The following ZNF804B variants were observed in gnomAD, a reference collection of about 807,000 sequenced individuals.
ZNF804B encodes the protein zinc finger protein 804B, also known as zinc finger 804B.
In ZNF804B, 80 loss-of-function variants were observed where a neutral mutation model predicts 101.4. The observed-to-expected ratio is 0.79, with a 90% confidence interval of 0.66 to 0.95. The LOEUF (loss-of-function observed/expected upper bound fraction) is 0.95. ZNF804B is among the 40% of genes least tolerant of loss of function. The pLI is 0.00. For missense variants in ZNF804B, 1,673 were observed against 1,561.9 expected, an observed-to-expected ratio of 1.07 and a Z score of -1.20; for synonymous variants, 622 against 558.8, an observed-to-expected ratio of 1.11 and a Z score of -1.59.
At chr7:88,869,552 A>T (rs1198982388) in intron 1 of ZNF804B, among the ~76,000 whole-genome samples, 1 of 152,196 alleles carries the variant, frequency 6.6e-6, no homozygotes, top group Non-Finnish European at 1.5e-5. Flanking sequence ...AGCAATATTT[A>T]TTATTTTATT....
chr7:89,092,200 C>G (rs576102686), intron 1 of ZNF804B, among the ~76,000 whole-genome samples: 2 of 151,588 alleles, frequency 1.3e-5, no homozygotes, highest in African/African-American at 4.8e-5. Flanking sequence ...AAGGATTTCT[C>G]GGGGGTCTCT....
intron 1 of ZNF804B, among the ~76,000 whole-genome samples, chr7:88,993,157 T>C (rs772975878): frequency 5.9e-5 from 9 of 152,034 alleles, no homozygotes; most frequent in Non-Finnish European, 1.0e-4. Context: ...ATAATTCTAA[T>C]GCATTTAAAA....
intron 1 of ZNF804B, among the ~76,000 whole-genome samples, chr7:88,970,392 G>A (rs546919371): frequency 3.5e-5 from 5 of 141,722 alleles, no homozygotes; most frequent in East Asian, 2.1e-4. Context: ...TTATAATTTT[G>A]TCTATGCCTC....
intron 1 of ZNF804B, among the ~76,000 whole-genome samples, chr7:89,029,889 A>C (rs554726993): frequency 6.6e-6 from 1 of 152,282 alleles, no homozygotes; most frequent in South Asian, 2.1e-4. Flanking sequence ...TTGTCTACTT[A>C]ATGAGAGCAG....
At chr7:89,313,087 A>G (rs1790668063) in intron 2 of ZNF804B, among the ~76,000 whole-genome samples, 1 of 152,178 alleles carries the variant, frequency 6.6e-6, no homozygotes, top group African/African-American at 2.4e-5. Context: ...AATCCACAAA[A>G]TGACACTGTT....
intron 1 of ZNF804B, among the ~76,000 whole-genome samples, chr7:89,033,578 A>T (rs1788874391): frequency 6.6e-6 from 1 of 152,160 alleles, no homozygotes; most frequent in Admixed American, 6.6e-5. Flanking sequence ...ATTCCCGCCA[A>T]CAGTGTACAA....
In ZNF804B at chr7:89,174,647, T is replaced by C. The variant is rs1268457064; in HGVS notation, c.109-43508T>C. ...ATTGCTGGATCTTATGGTAGTTCTA[T>C]TTTTGCTTTTTTGAGGAACCTCCAT... On this transcript the variant is annotated intron_variant, in intron 1 of 3. Coordinates refer to ENST00000333190, the MANE Select transcript of ZNF804B (RefSeq NM_181646.5). 2.6e-5 allele frequency among the ~76,000 whole-genome samples: 4 copies of C among 152,132 alleles called. No homozygotes were observed. In the East Asian group the frequency reaches 7.7e-4, roughly 29 times the overall value.
chr7:89,259,301 ATTG>A (rs1789678154), intron 2 of ZNF804B, among the ~76,000 whole-genome samples: 1 of 151,854 alleles, frequency 6.6e-6, no homozygotes, highest in South Asian at 2.1e-4. Flanking sequence ...CAACTGTTTT[ATTG>A]TTGTGGTTGA....
chr7:88,921,074 T>G (rs931001162), intron 1 of ZNF804B, among the ~76,000 whole-genome samples: 3 of 152,156 alleles, frequency 2.0e-5, no homozygotes, highest in African/African-American at 7.2e-5. Context: ...TAATTTAGAT[T>G]ATTTCCAAGA....
At chr7:88,793,487 T>C (rs1790417174) in intron 1 of ZNF804B, among the ~76,000 whole-genome samples, 1 of 152,054 alleles carries the variant, frequency 6.6e-6, no homozygotes, top group Middle Eastern at 3.2e-3. Context: ...ATAATGTATT[T>C]TCATTTCATT....
Position 89,285,134 on chromosome 7 carries a change from G to A in ZNF804B, c.250-42210G>A, listed in dbSNP as rs567205956. Among the ~76,000 whole-genome samples, 4 of 152,160 alleles carry A rather than the reference G, an allele frequency of 2.6e-5. No individual in the cohort carries two copies. In the East Asian group the frequency reaches 7.7e-4, roughly 29 times the overall value. On this transcript the variant is annotated intron_variant, in intron 2 of 3. Transcript: ENST00000333190. ...TTTGGAAGGCTGAGGCAGGAGGATA[G>A]CTTGAGTCCTGGAGGTTGAGGCTGC...
intron 1 of ZNF804B, among the ~76,000 whole-genome samples, chr7:89,177,076 A>G (rs1791333912): frequency 6.6e-6 from 1 of 152,060 alleles, no homozygotes; most frequent in Non-Finnish European, 1.5e-5. Flanking sequence ...TCTTTTCAAG[A>G]AGAAACTTCA....
intron 1 of ZNF804B, among the ~76,000 whole-genome samples, chr7:88,940,159 A>C (rs996233791): frequency 2.0e-5 from 3 of 152,050 alleles, no homozygotes; most frequent in Admixed American, 1.3e-4. Context: ...AATGTAATAA[A>C]ATTAGAAAAA....
chr7:88,929,108 A>G (rs538764991), intron 1 of ZNF804B, among the ~76,000 whole-genome samples: 5 of 152,134 alleles, frequency 3.3e-5, no homozygotes, highest in East Asian at 3.9e-4. Flanking sequence ...ACTTGAATAC[A>G]GTATGGAGCT....
At chr7:89,062,990 C>A (rs1365973923) in intron 1 of ZNF804B, among the ~76,000 whole-genome samples, 4 of 151,990 alleles carry the variant, frequency 2.6e-5, no homozygotes, top group Non-Finnish European at 5.9e-5. Context: ...GATAGGTGTA[C>A]CTTCTAAGAT....
At chr7:89,078,544 TA>T (rs1314107118) in intron 1 of ZNF804B, among the ~76,000 whole-genome samples, 5 of 151,864 alleles carry the variant, frequency 3.3e-5, no homozygotes, top group African/African-American at 9.7e-5. Flanking sequence ...TTCCCTTCAA[TA>T]TTACCTAAAT....
At chr7:89,169,506 C>A (rs1791193577) in intron 1 of ZNF804B, among the ~76,000 whole-genome samples, 1 of 152,086 alleles carries the variant, frequency 6.6e-6, no homozygotes, top group Admixed American at 6.6e-5. Context: ...TAGGTGTGGT[C>A]ACCTTCCCCA....
intron 1 of ZNF804B, among the ~76,000 whole-genome samples, chr7:89,000,982 A>C (rs1272754805): frequency 2.0e-5 from 3 of 147,586 alleles, no homozygotes; most frequent in Non-Finnish European, 4.5e-5. Context: ...CATATAATAA[A>C]TGTACAATCT....
intron 1 of ZNF804B, among the ~76,000 whole-genome samples, chr7:88,999,090 A>G (rs1334338114): frequency 6.6e-6 from 1 of 152,092 alleles, no homozygotes; most frequent in Non-Finnish European, 1.5e-5. Context: ...AACTGAAAAC[A>G]TTATTAGAGT....
Sources: gnomAD v4.1 joint callset for allele counts (sites outside exome capture counted in the v4.1 genomes callset) on GRCh38, gnomAD v4.1.1 for gene constraint, MANE v1.5 for transcripts, NCBI Gene and HGNC (gene_info 2026-07-23, HGNC 2026-07-21) for gene names.